The following MRPL22 variants were observed in gnomAD, a reference collection of about 807,000 sequenced individuals.
The protein encoded by MRPL22 is mitochondrial ribosomal protein L22.
A neutral mutation model predicts 32.4 loss-of-function variants in MRPL22; 27 were observed. The ratio of observed to expected loss-of-function variants is 0.83; its 90% CI spans 0.61 to 1.15. The LOEUF (loss-of-function observed/expected upper bound fraction) is 1.15, where lower values mean the gene tolerates loss of function less well. Among genes scored for constraint, MRPL22 ranks in the 50% most tolerant of loss-of-function variants. MRPL22 has a pLI of 0.00. For synonymous variants in MRPL22, 86 were observed against 87.3 expected, an observed-to-expected ratio of 0.99 and a Z score of 0.08; for missense variants, 239 against 260.2, an observed-to-expected ratio of 0.92 and a Z score of 0.56.
chr5:154,954,608 GT>G (rs1255955593), intron 3 of MRPL22, among the ~76,000 whole-genome samples: 12 of 151,612 alleles, frequency 7.9e-5, no homozygotes, highest in Non-Finnish European at 1.3e-4. Flanking sequence ...AAATGCTGAG[GT>G]TTTTTTTCAG....
At position 154,952,519 on chromosome 5, in the gene MRPL22, A is replaced by G. The variant is rs536593172; in HGVS notation, c.195+1581A>G. 2.2e-4 allele frequency among the ~76,000 whole-genome samples: 34 copies of G among 152,246 alleles called. No individual in the cohort carries two copies. In the South Asian group the frequency reaches 6.8e-3, roughly 31 times the overall value. The stretch of plus-strand genomic sequence containing the variant: ...GATATAGGTACTTTGGAAAACCTTA[A>G]TTTCTCTATTTTGCACAGATTTTGT... On this transcript the variant is annotated intron_variant, in intron 3 of 6. Transcript: ENST00000523037.
intron 2 of MRPL22, among the ~76,000 whole-genome samples, chr5:154,947,925 C>T (rs553422943): frequency 3.4e-4 from 51 of 152,110 alleles, no homozygotes; most frequent in East Asian, 3.3e-3. Flanking sequence ...GATAATAAGA[C>T]GAGAAAACAA....
At chr5:154,959,236 C>T (rs1467223557) in intron 5 of MRPL22, 1 of 152,328 alleles carries the variant, frequency 6.6e-6, no homozygotes, top group African/African-American at 2.4e-5. Flanking sequence ...GTCTCGAACT[C>T]CTGGCCTCAA....
intron 6 of MRPL22, among the ~76,000 whole-genome samples, chr5:154,963,589 G>GA (rs1229387933): frequency 1.3e-5 from 2 of 152,100 alleles, no homozygotes. Flanking sequence ...CCTCTGTATT[G>GA]AAAAAATGAT....
intron 2 of MRPL22, 82 bp downstream of exon 2, chr5:154,941,347 C>G: frequency 2.6e-6 from 4 of 1,566,414 alleles, no homozygotes; most frequent in Non-Finnish European, 2.6e-6. Context: ...GCCTCCGTGC[C>G]TAACTGTGTT....
rs1014620493 is a variant in MRPL22 at position 154,969,227 on chromosome 5, G to C, written c.*2330G>C. The C allele has an allele frequency of 1.3e-5, 2 of 152,126 alleles. No individual in the cohort carries two copies. The highest frequency in any genetic ancestry group is 4.8e-5 in the African/African-American group (2 of 41,386). The allele number at this position is 152,126 out of a possible 1,614,324, so 9.4% of individuals were successfully genotyped here. A position where few individuals can be genotyped will look rare whatever the true frequency, so the allele number is the denominator to read the frequency against. ...TGTACCCCATGCTGTTCTCGTGATA[G>C]TGAGTGGGTTCTCATGAGATCTGAT... is the stretch of plus-strand genomic sequence containing the variant. On this transcript the variant is annotated 3_prime_UTR_variant, in exon 7 of 7. Coordinates refer to ENST00000523037, the MANE Select transcript of MRPL22 (RefSeq NM_014180.4).
chr5:154,964,034 G>T (rs1764736610), intron 6 of MRPL22, among the ~76,000 whole-genome samples: 1 of 152,196 alleles, frequency 6.6e-6, no homozygotes, highest in Admixed American at 6.5e-5. Flanking sequence ...GGGAAGGGTA[G>T]ATTGGGCCTA....
In MRPL22 at chr5:154,957,285, G is replaced by C. The variant is rs1764643419; in HGVS notation, c.339+73G>C. The C allele has an allele frequency of 2.4e-6, 3 of 1,263,950 alleles. No individual in the cohort carries two copies. The South Asian group carries it at 3.6e-5, about 15-fold the overall frequency. The allele number at this position is 1,263,950 out of a possible 1,614,324, so 78.3% of individuals were successfully genotyped here. On this transcript the variant is annotated intron_variant, in intron 5 of 6. Coordinates refer to ENST00000523037, the MANE Select transcript of MRPL22 (RefSeq NM_014180.4). ...GCAGCTGTCTTGCAATTATTAGTAA[G>C]CTTAGCCTAAATCATGAATTCCCTA...
At chr5:154,961,118 A>G (rs1280588652) in intron 6 of MRPL22, among the ~76,000 whole-genome samples, 7 of 152,176 alleles carry the variant, frequency 4.6e-5, no homozygotes, top group African/African-American at 1.7e-4. Flanking sequence ...AGTTCAACTC[A>G]CCTGGCATTG....
intron 5 of MRPL22, 143 bp from the exon 6 acceptor site, chr5:154,959,835 CTT>C (rs1260095613): frequency 2.9e-5 from 18 of 614,372 alleles, no homozygotes; most frequent in Non-Finnish European, 3.4e-5. Context: ...CCTTTGTACT[CTT>C]ATCATTTGAT....
chr5:154,957,990 C>T (rs945226478), intron 5 of MRPL22, among the ~76,000 whole-genome samples: 5 of 144,792 alleles, frequency 3.5e-5, no homozygotes, highest in African/African-American at 1.3e-4. Flanking sequence ...CATCTTGGCT[C>T]ACTGCAGTCT....
At position 154,968,290 on chromosome 5, in the gene MRPL22, T is replaced by G. The variant is rs1764796505; in HGVS notation, c.*1393T>G. On this transcript the variant is annotated 3_prime_UTR_variant, in exon 7 of 7. Transcript: ENST00000523037. ...AAAAAGACATCAGGGGTCAGTGGAA[T>G]AAACCAAGGTGTAGGACAGATTCAT... 6.6e-6 allele frequency: 1 copy of G among 152,184 alleles called. No individual in the cohort carries two copies. Among genetic ancestry groups the G allele is most frequent in the Non-Finnish European group, 1.5e-5 (1 of 68,034 alleles). 9.4% of individuals were successfully genotyped at this position (152,184 alleles called of 1,614,324 possible).
intron 3 of MRPL22, among the ~76,000 whole-genome samples, chr5:154,951,380 C>T (rs1299098591): frequency 6.6e-6 from 1 of 152,136 alleles, no homozygotes; most frequent in Non-Finnish European, 1.5e-5. Flanking sequence ...AAAGTTTGAA[C>T]TTAATCATTG....
At position 154,968,804 on chromosome 5, in the gene MRPL22, A is replaced by G. The variant is rs1196630433; in HGVS notation, c.*1907A>G. ...CTGCTTCAGTCAGGCTGTAAAAGCT[A>G]TTTTGAAAGTGGTAAGGAAAAAGTA... On this transcript the variant is annotated 3_prime_UTR_variant, in exon 7 of 7. Coordinates refer to ENST00000523037, the MANE Select transcript of MRPL22 (RefSeq NM_014180.4). 1 of 152,228 alleles carries G rather than the reference A, an allele frequency of 6.6e-6. No individual in the cohort carries two copies. The highest frequency in any genetic ancestry group is 2.4e-5 in the African/African-American group (1 of 41,454). The allele number at this position is 152,228 out of a possible 1,614,324, so 9.4% of individuals were successfully genotyped here. A position where few individuals can be genotyped will look rare whatever the true frequency, so the allele number is the denominator to read the frequency against.
chr5:154,948,753 T>C (rs1280621764), intron 2 of MRPL22, among the ~76,000 whole-genome samples: 1 of 152,246 alleles, frequency 6.6e-6, no homozygotes, highest in Non-Finnish European at 1.5e-5. Context: ...ATCTACTACT[T>C]GGAAACTTAA....
rs768836770 is a variant in MRPL22 at position 154,960,067 on chromosome 5, C to A, written c.409+18C>A. ...ATATATAGGTAAGATTTTTAATATTCTTAGCATTAGAAAATGTCTTCAGTA... is the reference window on the plus strand; with the variant it reads ...ATATATAGGTAAGATTTTTAATATTATTAGCATTAGAAAATGTCTTCAGTA... On this transcript the variant is annotated intron_variant, in intron 6 of 6. Transcript: ENST00000523037. 26 of 1,546,246 alleles carry A rather than the reference C, an allele frequency of 1.7e-5. No individual in the cohort carries two copies. The Admixed American group carries it at 2.4e-4, about 14-fold the overall frequency.
At chr5:154,951,510 A>G (rs1010333482) in intron 3 of MRPL22, among the ~76,000 whole-genome samples, 1 of 152,116 alleles carries the variant, frequency 6.6e-6, no homozygotes, top group Non-Finnish European at 1.5e-5. Context: ...GCTATTAAGT[A>G]TTGACTCCAT....
At chr5:154,951,145 A>T (rs979246259) in intron 3 of MRPL22, among the ~76,000 whole-genome samples, 1 of 152,212 alleles carries the variant, frequency 6.6e-6, no homozygotes, top group Non-Finnish European at 1.5e-5. Context: ...CTGGATAGGG[A>T]CCTTAACTCT....
At chr5:154,954,885 G>A (rs935416126) in intron 3 of MRPL22, among the ~76,000 whole-genome samples, 11 of 152,040 alleles carry the variant, frequency 7.2e-5, no homozygotes, top group African/African-American at 1.4e-4. Context: ...TCCACCTCCC[G>A]GGTTCATGGC....
Sources: allele counts gnomAD v4.1 joint callset (sites outside exome capture counted in the v4.1 genomes callset), GRCh38; gene constraint gnomAD v4.1.1; transcripts MANE v1.5; gene names NCBI Gene and HGNC (gene_info 2026-07-23, HGNC 2026-07-21).